Variants in DMD observed in about 807,000 individuals in gnomAD.
DMD encodes mutant dystrophin.
In DMD, 63 loss-of-function variants were observed where a neutral mutation model predicts 330.1. The observed-to-expected ratio is 0.19, with a 90% CI of 0.16 to 0.24. The LOEUF (loss-of-function observed/expected upper bound fraction) is 0.24. Ranked by LOEUF, DMD falls within the 10% of genes least tolerant of loss-of-function variation. The probability of loss-of-function intolerance (pLI) is 1.00; values close to 1 mark genes in which losing one functional copy is unlikely to be tolerated. For synonymous variants in DMD, 1,223 were observed against 959.8 expected (o/e 1.27, Z -5.07); for missense variants, 3,344 against 2,684.1 (o/e 1.25, Z -5.43).
At chrX:31,373,515 G>A (rs1474712564) in intron 60 of DMD, among the ~76,000 whole-genome samples, 46 of 103,798 alleles carry the variant, frequency 4.4e-4, no homozygotes, top group African/African-American at 1.3e-3. Context: ...AAATAATGCC[G>A]CATATCTACA....
At chrX:33,307,784 G>A (rs1192314843) in intron 1 of DMD, among the ~76,000 whole-genome samples, 2 of 111,353 alleles carry the variant, frequency 1.8e-5, no homozygotes, top group African/African-American at 6.5e-5. Flanking sequence ...AGTAAGCAGC[G>A]CCTCTATTGT....
chrX:32,161,620 A>C (rs2096849627), intron 44 of DMD, among the ~76,000 whole-genome samples: 1 of 112,163 alleles, frequency 8.9e-6, no homozygotes, highest in African/African-American at 3.2e-5. Context: ...TGGGTTACTA[A>C]GACCCCTATA....
chrX:32,780,489 G>A (rs892271797), intron 7 of DMD, among the ~76,000 whole-genome samples: 6 of 111,924 alleles, frequency 5.4e-5, no homozygotes, highest in African/African-American at 1.6e-4. Context: ...TTTTAGCATA[G>A]TTAATATTTT....
At chrX:31,772,859 A>G (rs73213854) in intron 51 of DMD, among the ~76,000 whole-genome samples, 12,132 of 111,179 alleles carry the variant, frequency 0.11, 529 homozygotes, top group Middle Eastern at 0.14. Flanking sequence ...CCATATCCAT[A>G]ACTATATTGT....
chrX:33,306,547 T>TAA (rs2053764731), intron 1 of DMD, among the ~76,000 whole-genome samples: 1 of 110,461 alleles, frequency 9.1e-6, no homozygotes, highest in African/African-American at 3.3e-5. Flanking sequence ...TTTCCACTGA[T>TAA]AGAATGGTAG....
At chrX:31,771,005 A>T in intron 51 of DMD, among the ~76,000 whole-genome samples, 1 of 112,095 alleles carries the variant, frequency 8.9e-6, no homozygotes, top group Non-Finnish European at 1.9e-5. Context: ...ATAAAAATGG[A>T]TAGGTGTTAG....
chrX:31,314,661 CG>C (rs1467429254), intron 62 of DMD, among the ~76,000 whole-genome samples: 2 of 108,691 alleles, frequency 1.8e-5, no homozygotes, highest in Non-Finnish European at 3.8e-5. Context: ...TCTTGTACAA[CG>C]GTTTAAAAAA....
At chrX:32,790,524 G>A (rs998261251) in intron 7 of DMD, among the ~76,000 whole-genome samples, 1 of 111,229 alleles carries the variant, frequency 9.0e-6, no homozygotes, top group African/African-American at 3.3e-5. Flanking sequence ...GGTTTTGAGA[G>A]CCCAGCCCCC....
At chrX:32,952,067 C>A (rs760286528) in intron 2 of DMD, among the ~76,000 whole-genome samples, 1 of 110,575 alleles carries the variant, frequency 9.0e-6, no homozygotes, top group Non-Finnish European at 1.9e-5. Flanking sequence ...TAAGTCTTTC[C>A]CTTAAATGAA....
At chrX:32,387,617 T>A (rs1203155400) in intron 32 of DMD, among the ~76,000 whole-genome samples, 1 of 111,351 alleles carries the variant, frequency 9.0e-6, no homozygotes, top group Non-Finnish European at 1.9e-5. Context: ...TCCATATTAA[T>A]CCTCTTTGAC....
chrX:32,759,514 A>C (rs748414255), intron 7 of DMD, among the ~76,000 whole-genome samples: 2 of 111,228 alleles, frequency 1.8e-5, no homozygotes, highest in Admixed American at 9.6e-5. Flanking sequence ...GCAACATGGG[A>C]GAGATGAGTT....
intron 22 of DMD, among the ~76,000 whole-genome samples, chrX:32,470,868 T>C (rs1387964103): frequency 8.9e-6 from 1 of 112,506 alleles, no homozygotes; most frequent in Non-Finnish European, 1.9e-5. Flanking sequence ...AAATTTGAAT[T>C]TTTAAACATT....
chrX:32,071,468 T>C (rs1460441389), intron 44 of DMD, among the ~76,000 whole-genome samples: 5 of 82,562 alleles, frequency 6.1e-5, no homozygotes, highest in Admixed American at 1.8e-4. Context: ...TGAGAACACA[T>C]GGACACAGGA....
At chrX:32,550,197 G>A (rs762835326) in intron 16 of DMD, among the ~76,000 whole-genome samples, 49 of 111,491 alleles carry the variant, frequency 4.4e-4, no homozygotes, top group African/African-American at 1.6e-3. Flanking sequence ...CAAACATATC[G>A]AAAGGTACAA....
intron 1 of DMD, among the ~76,000 whole-genome samples, chrX:33,043,919 T>C (rs1343421640): frequency 9.3e-6 from 1 of 107,164 alleles, no homozygotes; most frequent in Non-Finnish European, 1.9e-5. Context: ...AGGTATATAT[T>C]AGGCTCAACT....
Position 31,120,045 on chromosome X carries a change from C to A in DMD, c.*1874G>T, listed in dbSNP as rs2032104777. The A allele has an allele frequency of 9.1e-6, 1 of 110,452 alleles. No individual in the cohort carries two copies. Among genetic ancestry groups the A allele is most frequent in the Admixed American group, 9.8e-5 (1 of 10,164 alleles). 9.1% of individuals were successfully genotyped at this position (110,452 alleles called of 1,213,427 possible). The stretch of plus-strand genomic sequence containing the variant: ...ATTAATTATTAATAATGGACAAAAC[C>A]CACTCTCCAAAAGCTAATTACACTT... On this transcript the variant is annotated 3_prime_UTR_variant, in exon 79 of 79. Coordinates refer to ENST00000357033, the MANE Select transcript of DMD (RefSeq NM_004006.3).
At chrX:32,238,402 A>G (rs2097195610) in intron 43 of DMD, among the ~76,000 whole-genome samples, 1 of 109,908 alleles carries the variant, frequency 9.1e-6, no homozygotes, top group South Asian at 3.9e-4. Context: ...GCATCTCCAT[A>G]GGGCTGCTCA....
chrX:32,795,764 G>T lies in DMD; in HGVS notation c.649+13729C>A, dbSNP rs148566694. 3.4e-4 allele frequency among the ~76,000 whole-genome samples: 38 copies of T among 111,199 alleles called. No individual in the cohort carries two copies. The East Asian group carries it at 0.01, about 31-fold the overall frequency. ...TACGAGGATCCCAAACAATTTAACA[G>T]TAAAAAAATAATCACATTAAAAATG... On this transcript the variant is annotated intron_variant, in intron 7 of 78. Transcript: ENST00000357033.
At chrX:31,604,970 T>A (rs2077542430) in intron 55 of DMD, among the ~76,000 whole-genome samples, 1 of 111,997 alleles carries the variant, frequency 8.9e-6, no homozygotes, top group Non-Finnish European at 1.9e-5. Context: ...TTAAGGTTAG[T>A]GAAAGTGGTA....
Sources: gnomAD v4.1 joint callset for allele counts (sites outside exome capture counted in the v4.1 genomes callset) on GRCh38, gnomAD v4.1.1 for gene constraint, MANE v1.5 for transcripts, NCBI Gene and HGNC (gene_info 2026-07-23, HGNC 2026-07-21) for gene names.